Variants in UFSP2 observed in about 807,000 individuals in gnomAD.
UFSP2 encodes the protein UFM1 specific peptidase 2.
A neutral mutation model predicts 60.2 loss-of-function variants in UFSP2; 43 were observed. That is an observed-to-expected ratio of 0.71 (90% CI 0.56 to 0.92). The LOEUF is 0.92. UFSP2 is among the 40% of genes least tolerant of loss of function. The pLI, the probability that UFSP2 is intolerant of heterozygous loss-of-function variation, is 0.00. For missense variants in UFSP2, 520 were observed against 575.0 expected (o/e 0.90, Z 0.98); for synonymous variants, 183 against 195.1 (o/e 0.94, Z 0.52).
intron 2 of UFSP2, among the ~76,000 whole-genome samples, chr4:185,419,556 C>T (rs2095545800): frequency 6.6e-6 from 1 of 152,236 alleles, no homozygotes; most frequent in African/African-American, 2.4e-5. Flanking sequence ...TTTTATCTCT[C>T]ATCCAGCTTC....
At chr4:185,408,521 TC>T (rs2095524171) in intron 7 of UFSP2, 86 bp from the exon 8 acceptor site, 3 of 1,359,962 alleles carry the variant, frequency 2.2e-6, no homozygotes, top group Non-Finnish European at 3.0e-6. Context: ...TGTTTAATGT[TC>T]TTAGAGTTAG....
At chr4:185,406,466 C>T (rs770900533) in intron 9 of UFSP2, among the ~76,000 whole-genome samples, 6 of 152,028 alleles carry the variant, frequency 3.9e-5, no homozygotes, top group Non-Finnish European at 7.4e-5. Flanking sequence ...GGGGAAGGTG[C>T]CCGGTGGTGC....
intron 4 of UFSP2, 30 bp from the exon 5 acceptor site, chr4:185,415,897 G>A (rs1182055922): frequency 1.3e-6 from 2 of 1,550,922 alleles, no homozygotes; most frequent in Admixed American, 1.8e-5. Flanking sequence ...TAGTCAACTT[G>A]TAGTGCATTA....
intron 6 of UFSP2, 139 bp from the exon 7 acceptor site, chr4:185,414,011 A>G: frequency 1.5e-6 from 1 of 673,912 alleles, no homozygotes; most frequent in Non-Finnish European, 2.2e-6. Flanking sequence ...TTAATTCACT[A>G]ACATCAAAGA....
intron 2 of UFSP2, among the ~76,000 whole-genome samples, chr4:185,419,368 G>A (rs1190196763): frequency 6.6e-6 from 1 of 152,160 alleles, no homozygotes; most frequent in Non-Finnish European, 1.5e-5. Context: ...CTGACCTCGT[G>A]ATCCACCCGC....
chr4:185,402,611 G>A (rs746689774), intron 11 of UFSP2, among the ~76,000 whole-genome samples: 1 of 152,062 alleles, frequency 6.6e-6, no homozygotes, highest in Non-Finnish European at 1.5e-5. Flanking sequence ...AAATAGCCAA[G>A]ATTATAGGCG....
chr4:185,408,344 T>C lies in UFSP2; in HGVS notation c.923A>G (p.Gln308Arg). 6.2e-7 allele frequency: 1 copy of C among 1,614,190 alleles called. No homozygotes were observed. Among genetic ancestry groups the C allele is most frequent in the Non-Finnish European group, 8.5e-7 (1 of 1,180,024 alleles). ...NGWGCAYRSL[Q>R]TICSWFKHQG... ...ATGTTTGAACCAAGAGCAGATAGTCTGCAGAGATCGATAAGCACAGCCCCA... is the reference window on the plus strand; with the variant it reads ...ATGTTTGAACCAAGAGCAGATAGTCCGCAGAGATCGATAAGCACAGCCCCA... The change falls in exon 8 of 12, where the codon CAG (glutamine) becomes CGG (arginine). Residue 308 changes from glutamine to arginine, a missense_variant. Gln to Arg is a conservative substitution (Grantham distance 43). Coordinates refer to ENST00000264689, the MANE Select transcript of UFSP2 (RefSeq NM_018359.5).
rs1344572103 is a variant in UFSP2, at chr4:185,415,819, C to T, written c.382G>A (p.Ala128Thr). 6.2e-6 allele frequency: 10 copies of T among 1,613,580 alleles called. No homozygotes were observed. The highest frequency in any genetic ancestry group is 2.2e-5 in the East Asian group (1 of 44,860). The part of the protein sequence containing the change: ...DLMLEMSTSL[A>T]AVTPIIERES... ...CTTTCAATGATGGGCGTTACAGCTG[C>T]CAGGGAGGTTGACATTTCCAGCATA... Residue 128 changes from alanine (A) to threonine (T), a missense_variant, in exon 5 of 12, where the codon GCA (alanine) becomes ACA (threonine). Coordinates refer to ENST00000264689, the MANE Select transcript of UFSP2 (RefSeq NM_018359.5).
intron 7 of UFSP2, among the ~76,000 whole-genome samples, chr4:185,413,176 G>A (rs2095532477): frequency 6.6e-6 from 1 of 151,806 alleles, no homozygotes; most frequent in African/African-American, 2.4e-5. Context: ...GTGGTGGCAG[G>A]TGCCTGTAAC....
At chr4:185,416,340 T>C (rs1022760305) in intron 4 of UFSP2, among the ~76,000 whole-genome samples, 1 of 152,164 alleles carries the variant, frequency 6.6e-6, no homozygotes, top group Non-Finnish European at 1.5e-5. Flanking sequence ...TAACATAAAA[T>C]AACCACACAC....
At chr4:185,410,626 C>T (rs983687355) in intron 7 of UFSP2, among the ~76,000 whole-genome samples, 5 of 151,686 alleles carry the variant, frequency 3.3e-5, no homozygotes, top group Admixed American at 6.6e-5. Flanking sequence ...CTAGCCTGGG[C>T]AACCGAGCAA....
At chr4:185,403,972 A>G (rs564732082) in intron 10 of UFSP2, among the ~76,000 whole-genome samples, 3 of 149,712 alleles carry the variant, frequency 2.0e-5, no homozygotes, top group African/African-American at 7.4e-5. Context: ...CTCTCAAAAA[A>G]AAAAACAAAA....
At position 185,422,708 on chromosome 4, in the gene UFSP2, G is replaced by C. The variant is rs1018619108; in HGVS notation, c.4-145C>G. 16 of 661,398 alleles carry C rather than the reference G, an allele frequency of 2.4e-5. No homozygotes were observed. In the African/African-American group the frequency reaches 2.6e-4, roughly 11 times the overall value. 41.0% of individuals were successfully genotyped at this position (661,398 alleles called of 1,614,324 possible). A position where few individuals can be genotyped will look rare whatever the true frequency, so the allele number is the denominator to read the frequency against. ...TCATGAGTTAATTCCTTGTTTTATA[G>C]AAAAAACAAAAACAAAAGCAACCCC... On this transcript the variant is annotated intron_variant, in intron 1 of 11. Coordinates refer to ENST00000264689, the MANE Select transcript of UFSP2 (RefSeq NM_018359.5).
Position 185,408,895 on chromosome 4 carries a change from CCT to C in UFSP2, c.832-462_832-461del, listed in dbSNP as rs2095524609. 2.6e-5 allele frequency among the ~76,000 whole-genome samples: 4 copies of C among 152,310 alleles called. No individual in the cohort carries two copies. The South Asian group carries it at 8.3e-4, about 32-fold the overall frequency. On this transcript the variant is annotated intron_variant, in intron 7 of 11. Transcript: ENST00000264689. ...CACTCATTCTCTCACTACCCCACCCCCTGCCTCACCTGTCATCTCTGTCCTCT... is the reference window on the plus strand; with the variant it reads ...CACTCATTCTCTCACTACCCCACCCCGCCTCACCTGTCATCTCTGTCCTCT...
At chr4:185,408,151 ATTT>A in intron 8 of UFSP2, 91 bp from the exon 9 acceptor site, 2 of 1,531,384 alleles carry the variant, frequency 1.3e-6, no homozygotes, top group Non-Finnish European at 1.8e-6. Flanking sequence ...CAGTACAAGA[ATTT>A]TTTTTTCTTC....
At chr4:185,422,744 A>T (rs1302776628) in intron 1 of UFSP2, among the ~76,000 whole-genome samples, 181 bp from the exon 2 acceptor site, 8 of 152,232 alleles carry the variant, frequency 5.3e-5, no homozygotes, top group Non-Finnish European at 8.8e-5. Context: ...AAAATTTTAA[A>T]TCAGGGGTTC....
At chr4:185,409,324 T>C (rs2013121) in intron 7 of UFSP2, among the ~76,000 whole-genome samples, 12,035 of 152,210 alleles carry the variant, frequency 0.079, 795 homozygotes, top group African/African-American at 0.17. Context: ...GTGCTAAGAA[T>C]GTATATGTCT....
rs1429782435 is a variant in UFSP2, at chr4:185,400,433, A to G, written c.1369T>C (p.Tyr457His). ...KGPDFWNKDA[Y>H]YNLCLPQRPN... ...CGCTGAGGAAGACATAAGTTATAGT[A>G]TGCATCCTTGTTCCAAAAATCTGGG... is the stretch of plus-strand genomic sequence containing the variant. The change falls in exon 12 of 12, where the codon TAC becomes CAC. Residue 457 changes from tyrosine to histidine, a missense_variant. Tyr to His is a moderately conservative substitution (Grantham distance 83). Transcript: ENST00000264689. The G allele has an allele frequency of 6.2e-7, 1 of 1,613,908 alleles. No individual in the cohort carries two copies. The highest frequency in any genetic ancestry group is 1.3e-5 in the African/African-American group (1 of 74,924).
chr4:185,424,346 A>G (rs571650060), intron 1 of UFSP2, among the ~76,000 whole-genome samples: 1 of 152,140 alleles, frequency 6.6e-6, no homozygotes, highest in East Asian at 1.9e-4. Flanking sequence ...TGTAAAAGGC[A>G]CTATGCTAAA....
Sources: gnomAD v4.1 joint callset for allele counts (sites outside exome capture counted in the v4.1 genomes callset) on GRCh38, gnomAD v4.1.1 for gene constraint, MANE v1.5 for transcripts, NCBI Gene and HGNC (gene_info 2026-07-23, HGNC 2026-07-21) for gene names.